Variants in ODR4 observed in about 807,000 individuals in gnomAD.
ODR4 encodes the protein protein odr-4 homolog.
Under a neutral mutation model 60.2 loss-of-function variants are expected in ODR4, and 47 were observed. The observed-to-expected ratio is 0.78, with a 90% CI of 0.62 to 1.00. ODR4 has a LOEUF of 1.00. Among genes scored for constraint, ODR4 ranks in the 50% least tolerant of loss-of-function variants. The pLI is 0.00. For missense variants in ODR4, 488 were observed against 530.8 expected, an observed-to-expected ratio of 0.92 and a Z score of 0.79; for synonymous variants, 178 against 175.5, an observed-to-expected ratio of 1.01 and a Z score of -0.11.
At chr1:186,409,992 T>C (rs1661311071) in intron 12 of ODR4, among the ~76,000 whole-genome samples, 1 of 152,264 alleles carries the variant, frequency 6.6e-6, no homozygotes, top group Non-Finnish European at 1.5e-5. Flanking sequence ...CTTGTAATTA[T>C]TTAAATCATC....
intron 8 of ODR4, 142 bp downstream of exon 8, chr1:186,391,933 T>C (rs1371299119): frequency 1.6e-6 from 1 of 616,754 alleles, no homozygotes; most frequent in East Asian, 2.9e-5. Context: ...AAAAGGCAAA[T>C]GTTTTTCTTA....
intron 2 of ODR4, among the ~76,000 whole-genome samples, chr1:186,382,240 A>G (rs1660063782): frequency 1.4e-5 from 2 of 145,260 alleles, no homozygotes; most frequent in Admixed American, 6.9e-5. Flanking sequence ...CTCTGTCTCT[A>G]CAAAAAAGTA....
chr1:186,388,939 C>T (rs1451481642), intron 5 of ODR4, among the ~76,000 whole-genome samples: 6 of 152,174 alleles, frequency 3.9e-5, no homozygotes. Context: ...ATTCAAAGCA[C>T]AGGTGCACAG....
chr1:186,416,728 C>G (rs927607086), intron 12 of ODR4, among the ~76,000 whole-genome samples: 1 of 150,586 alleles, frequency 6.6e-6, no homozygotes, highest in African/African-American at 2.4e-5. Context: ...TGGTGGCAGG[C>G]GGCTGTAATC....
intron 12 of ODR4, among the ~76,000 whole-genome samples, chr1:186,407,273 A>G (rs185319960): frequency 1.3e-5 from 2 of 152,292 alleles, no homozygotes; most frequent in East Asian, 1.9e-4. Flanking sequence ...ATGAAAACTA[A>G]TATTTCTAAA....
intron 4 of ODR4, among the ~76,000 whole-genome samples, chr1:186,386,432 T>C (rs193042228): frequency 3.3e-5 from 5 of 152,258 alleles, no homozygotes; most frequent in Non-Finnish European, 7.4e-5. Flanking sequence ...TATTTACTTC[T>C]CAATAATAAC....
the ODR4 span, among the ~76,000 whole-genome samples, chr1:186,432,625 AT>A: frequency 8.6e-5 from 13 of 151,482 alleles, no homozygotes; most frequent in African/African-American, 2.4e-4. Context: ...CTAGAAATCT[AT>A]TTTTTTTGTT....
the ODR4 span, among the ~76,000 whole-genome samples, chr1:186,431,846 C>G: frequency 1.3e-5 from 2 of 152,166 alleles, no homozygotes; most frequent in East Asian, 3.9e-4. Flanking sequence ...GAAGTACAGA[C>G]TTTCATGGGG....
Position 186,390,692 on chromosome 1 carries a change from C to T in ODR4, c.475-19C>T. 1 of 1,611,312 alleles carries T rather than the reference C, an allele frequency of 6.2e-7. No individual in the cohort carries two copies. The highest frequency in any genetic ancestry group is 8.5e-7 in the Non-Finnish European group (1 of 1,178,396). ...TCTAGACTACATCATAGTTATTTTT[C>T]TCCCTTCTCCACTGCTAGAGTTCAG... On this transcript the variant is annotated intron_variant, in intron 6 of 13. Transcript: ENST00000287859.
At chr1:186,384,484 T>C (rs1660169115) in intron 3 of ODR4, among the ~76,000 whole-genome samples, 1 of 151,896 alleles carries the variant, frequency 6.6e-6, no homozygotes. Flanking sequence ...CTAAAGAAAA[T>C]ATTAAGTAAT....
chr1:186,385,636 A>G (rs1222246797), intron 3 of ODR4, among the ~76,000 whole-genome samples: 1 of 152,044 alleles, frequency 6.6e-6, no homozygotes, highest in Non-Finnish European at 1.5e-5. Flanking sequence ...ATTTGACACT[A>G]CTTTTCAAGT....
At chr1:186,412,470 A>G (rs535181085) in intron 12 of ODR4, among the ~76,000 whole-genome samples, 7 of 152,282 alleles carry the variant, frequency 4.6e-5, no homozygotes, top group Admixed American at 3.9e-4. Context: ...TGACTTACCT[A>G]GAAGTATAAG....
chr1:186,392,699 T>C (rs371610382), intron 8 of ODR4, among the ~76,000 whole-genome samples: 2 of 141,602 alleles, frequency 1.4e-5, no homozygotes, highest in African/African-American at 5.4e-5. Context: ...GTGCCTGTAA[T>C]TGCAGCTACT....
At chr1:186,403,251 A>G (rs1661054169) in intron 11 of ODR4, among the ~76,000 whole-genome samples, 2 of 152,068 alleles carry the variant, frequency 1.3e-5, no homozygotes, top group Non-Finnish European at 2.9e-5. Flanking sequence ...AAATTTTTTT[A>G]ATTTTTAACT....
chr1:186,399,853 T>A lies in ODR4; in HGVS notation c.1000+809T>A, dbSNP rs894255150. Among the ~76,000 whole-genome samples the A allele has an allele frequency of 3.3e-5, 5 of 152,210 alleles. 1 individual carries two copies. In the South Asian group the frequency reaches 8.3e-4, roughly 25 times the overall value. On this transcript the variant is annotated intron_variant, in intron 11 of 13. Transcript: ENST00000287859. The stretch of plus-strand genomic sequence containing the variant: ...ACAGTATCTTACCCATTAATAACGA[T>A]TGCAGCTTTTGGGAAACATAACAAT...
In ODR4 at chr1:186,378,658, A is replaced by G. The variant is rs141724903; in HGVS notation, c.-19-1109A>G. Among the ~76,000 whole-genome samples, 388 of 152,288 alleles carry G rather than the reference A, an allele frequency of 2.5e-3. 1 individual carries two copies. The highest frequency in any genetic ancestry group is 8.8e-3 in the African/African-American group (364 of 41,566). ...TGGTGTTGAAAAACATGGATTCTAGAGCCAGAGTGTCTGAATTTAAGTCCC... is the reference window on the plus strand; with the variant it reads ...TGGTGTTGAAAAACATGGATTCTAGGGCCAGAGTGTCTGAATTTAAGTCCC... On this transcript the variant is annotated intron_variant, in intron 1 of 13. Transcript: ENST00000287859.
At chr1:186,394,315 A>G (rs1048926064) in intron 9 of ODR4, among the ~76,000 whole-genome samples, 1 of 152,174 alleles carries the variant, frequency 6.6e-6, no homozygotes, top group African/African-American at 2.4e-5. Flanking sequence ...TGTAGCTTTT[A>G]TAGTTAAAGT....
At chr1:186,400,997 G>A in intron 11 of ODR4, 4 of 1,545,630 alleles carry the variant, frequency 2.6e-6, no homozygotes, top group Non-Finnish European at 3.5e-6. Context: ...CAGGTTCTGA[G>A]CAACAGTGTA....
chr1:186,428,915 G>A, the ODR4 span, among the ~76,000 whole-genome samples: 23 of 152,140 alleles, frequency 1.5e-4, no homozygotes, highest in African/African-American at 5.6e-4. Flanking sequence ...AATTATAATA[G>A]TGACATCAAA....
Sources: gnomAD v4.1 joint callset for allele counts (sites outside exome capture counted in the v4.1 genomes callset) on GRCh38, gnomAD v4.1.1 for gene constraint, MANE v1.5 for transcripts, NCBI Gene and HGNC (gene_info 2026-07-23, HGNC 2026-07-21) for gene names.